Variants in EML6 observed in about 807,000 individuals in gnomAD.
EML6 encodes EMAP like 6.
EML6 carries 154 observed loss-of-function variants against 240.1 expected under a neutral mutation model. The observed-to-expected ratio is 0.64, with a 90% CI of 0.56 to 0.73. The LOEUF (loss-of-function observed/expected upper bound fraction) is 0.73, where lower values mean the gene tolerates loss of function less well. EML6 is among the 30% of genes least tolerant of loss of function. The pLI is 0.00. For missense variants in EML6, 2,964 were observed against 2,474.6 expected, an observed-to-expected ratio of 1.20 and a Z score of -4.20; for synonymous variants, 1,148 against 899.0, an observed-to-expected ratio of 1.28 and a Z score of -4.95.
At chr2:54,767,534 C>T (rs1164156712) in intron 2 of EML6, among the ~76,000 whole-genome samples, 1 of 151,162 alleles carries the variant, frequency 6.6e-6, no homozygotes, top group Non-Finnish European at 1.5e-5. Flanking sequence ...CAATTTAGTT[C>T]TGTGTATCAC....
intron 26 of EML6, among the ~76,000 whole-genome samples, chr2:54,922,800 G>A (rs13033182): frequency 0.16 from 24,429 of 152,068 alleles, 2,215 homozygotes; most frequent in South Asian, 0.35. Context: ...GGCACAGAAA[G>A]ACAAATACTT....
intron 2 of EML6, among the ~76,000 whole-genome samples, chr2:54,812,563 G>A (rs541113274): frequency 8.2e-4 from 125 of 151,798 alleles, no homozygotes; most frequent in Non-Finnish European, 1.5e-3. Flanking sequence ...ACTTCTCAAC[G>A]GCTACTGACT....
intron 13 of EML6, among the ~76,000 whole-genome samples, chr2:54,864,933 A>G (rs1225062070): frequency 1.3e-5 from 2 of 152,244 alleles, no homozygotes; most frequent in Non-Finnish European, 1.5e-5. Flanking sequence ...TGACGAAATC[A>G]TCTTGACTGT....
rs560784433 is a variant in EML6 at position 54,754,121 on chromosome 2, C to A, written c.197+28863C>A. On this transcript the variant is annotated intron_variant, in intron 2 of 41. Transcript: ENST00000356458. ...CTGCATTCCAGTCTGGGAGACAGAG[C>A]GAGACTCCGTCTCAAAAAAAAAAAT... Among the ~76,000 whole-genome samples, 4 of 150,868 alleles carry A rather than the reference C, an allele frequency of 2.7e-5. No individual in the cohort carries two copies. In the South Asian group the frequency reaches 8.4e-4, roughly 32 times the overall value.
In EML6 at chr2:54,965,928, T is replaced by C. The variant is rs779057898; in HGVS notation, c.5494-1072T>C. Among the ~76,000 whole-genome samples the C allele has an allele frequency of 2.6e-5, 4 of 152,246 alleles. No individual in the cohort carries two copies. The South Asian group carries it at 8.3e-4, about 31-fold the overall frequency. Reference sequence around the variant, plus strand: ...TTTGGGAAAGGGCTGCTACCATCTTTGTTTAAACCATAAACTATAAACTTT... The same window carrying C: ...TTTGGGAAAGGGCTGCTACCATCTTCGTTTAAACCATAAACTATAAACTTT... On this transcript the variant is annotated intron_variant, in intron 38 of 41. Coordinates refer to ENST00000356458, the MANE Select transcript of EML6 (RefSeq NM_001039753.4).
At chr2:54,836,422 G>A (rs565944534) in intron 7 of EML6, among the ~76,000 whole-genome samples, 7 of 152,296 alleles carry the variant, frequency 4.6e-5, no homozygotes, top group Non-Finnish European at 8.8e-5. Flanking sequence ...AATGAGCAGA[G>A]ATTTTGTAAA....
chr2:54,831,187 C>G (rs911579425), intron 7 of EML6, among the ~76,000 whole-genome samples: 1 of 152,122 alleles, frequency 6.6e-6, no homozygotes, highest in Non-Finnish European at 1.5e-5. Flanking sequence ...GTCAACTTGC[C>G]AGATGGGATT....
At chr2:54,894,203 G>GAA (rs1167812213) in intron 19 of EML6, among the ~76,000 whole-genome samples, 5 of 109,268 alleles carry the variant, frequency 4.6e-5, no homozygotes, top group African/African-American at 1.3e-4. Context: ...TTTTTTCTTA[G>GAA]AAAAAAAAAA....
At chr2:54,875,468 G>C (rs1391004250) in intron 16 of EML6, among the ~76,000 whole-genome samples, 3 of 152,136 alleles carry the variant, frequency 2.0e-5, no homozygotes, top group African/African-American at 7.2e-5. Context: ...TAGCTCTTTT[G>C]GGGGGTTTTA....
intron 28 of EML6, among the ~76,000 whole-genome samples, chr2:54,942,948 C>T (rs1289425067): frequency 1.3e-5 from 2 of 152,136 alleles, no homozygotes; most frequent in African/African-American, 4.8e-5. Flanking sequence ...GGCCCTTCTC[C>T]CCTACATTCC....
intron 13 of EML6, among the ~76,000 whole-genome samples, chr2:54,865,562 A>C (rs1271725012): frequency 6.6e-6 from 1 of 152,228 alleles, no homozygotes; most frequent in Non-Finnish European, 1.5e-5. Context: ...GAATTCTCCA[A>C]AATCCAAAAC....
chr2:54,921,360 GT>G (rs967093784), intron 26 of EML6, among the ~76,000 whole-genome samples: 6 of 152,058 alleles, frequency 3.9e-5, no homozygotes, highest in Admixed American at 3.9e-4. Flanking sequence ...TTAGGAATAA[GT>G]TTAGCCAAGG....
chr2:54,806,297 A>G (rs1440237280), intron 2 of EML6, among the ~76,000 whole-genome samples: 4 of 152,140 alleles, frequency 2.6e-5, no homozygotes, highest in East Asian at 3.9e-4. Context: ...CTCTCTATGT[A>G]CATGAGTTGC....
chr2:54,941,435 T>C (rs1354326303), intron 28 of EML6, among the ~76,000 whole-genome samples: 1 of 152,180 alleles, frequency 6.6e-6, no homozygotes, highest in Admixed American at 6.5e-5. Flanking sequence ...TGCTCCCAGC[T>C]CCTTCCTCAG....
intron 26 of EML6, among the ~76,000 whole-genome samples, chr2:54,924,466 A>G (rs558211868): frequency 2.6e-5 from 4 of 152,278 alleles, no homozygotes; most frequent in South Asian, 4.1e-4. Context: ...TGAGTTCTCT[A>G]TTTCTTCAAT....
Position 54,970,928 on chromosome 2 carries a change from G to T in EML6, c.*833G>T, listed in dbSNP as rs1676962542. The T allele has an allele frequency of 6.6e-6, 1 of 152,164 alleles. No individual in the cohort carries two copies. Among genetic ancestry groups the T allele is most frequent in the Non-Finnish European group, 1.5e-5 (1 of 68,032 alleles). The allele number at this position is 152,164 out of a possible 1,614,324, so 9.4% of individuals were successfully genotyped here. On this transcript the variant is annotated 3_prime_UTR_variant, in exon 42 of 42. Coordinates refer to ENST00000356458, the MANE Select transcript of EML6 (RefSeq NM_001039753.4). ...CAGGGTAGAATTATGGGTTTTCATTGTGTTTCATGCCAAACCCACAAAATC... is the reference window on the plus strand; with the variant it reads ...CAGGGTAGAATTATGGGTTTTCATTTTGTTTCATGCCAAACCCACAAAATC...
intron 11 of EML6, among the ~76,000 whole-genome samples, chr2:54,855,123 A>G (rs1670303279): frequency 6.6e-6 from 1 of 152,230 alleles, no homozygotes; most frequent in Non-Finnish European, 1.5e-5. Flanking sequence ...CTATTCTTAC[A>G]TTGCTGTAAA....
intron 2 of EML6, among the ~76,000 whole-genome samples, chr2:54,752,245 G>A (rs144656085): frequency 8.5e-5 from 13 of 152,056 alleles, no homozygotes; most frequent in African/African-American, 3.1e-4. Context: ...AATAAGACAA[G>A]AAAGGAAAAA....
intron 2 of EML6, among the ~76,000 whole-genome samples, chr2:54,777,797 C>CT (rs1668666124): frequency 6.6e-6 from 1 of 152,224 alleles, no homozygotes; most frequent in South Asian, 2.1e-4. Context: ...CCCATGTTTT[C>CT]TTTGGTAAAG....
Sources: gnomAD v4.1 joint callset for allele counts (sites outside exome capture counted in the v4.1 genomes callset) on GRCh38, gnomAD v4.1.1 for gene constraint, MANE v1.5 for transcripts, NCBI Gene and HGNC (gene_info 2026-07-23, HGNC 2026-07-21) for gene names.